The following CFAP77 variants were observed in gnomAD, a reference collection of about 807,000 sequenced individuals.
CFAP77 encodes cilia and flagella associated protein 77.
A neutral mutation model predicts 31.1 loss-of-function variants in CFAP77; 25 were observed. The ratio of observed to expected loss-of-function variants is 0.80; its 90% confidence interval spans 0.59 to 1.12. The LOEUF (loss-of-function observed/expected upper bound fraction) is 1.12, where lower values mean the gene tolerates loss of function less well. Among genes scored for constraint, CFAP77 ranks in the 50% most tolerant of loss-of-function variants. The probability of loss-of-function intolerance (pLI) is 0.00; values close to 1 mark genes in which losing one functional copy is unlikely to be tolerated. For synonymous variants in CFAP77, 151 were observed against 159.9 expected, an observed-to-expected ratio of 0.94 and a Z score of 0.42; for missense variants, 377 against 397.3, an observed-to-expected ratio of 0.95 and a Z score of 0.44.
intron 1 of CFAP77, among the ~76,000 whole-genome samples, chr9:132,411,202 G>C (rs554889051): frequency 7.2e-4 from 109 of 152,074 alleles, no homozygotes; most frequent in African/African-American, 2.5e-3. Context: ...GCTGAGGCTT[G>C]GGGGTCAGGG....
intron 3 of CFAP77, among the ~76,000 whole-genome samples, chr9:132,530,438 G>A (rs1167884547): frequency 6.6e-6 from 1 of 151,964 alleles, no homozygotes; most frequent in African/African-American, 2.4e-5. Context: ...ACCATGCCCA[G>A]CTAATTTTGT....
rs1554747343 is a variant in CFAP77 at position 132,521,778 on chromosome 9, T to TTTTTTG, written c.525-15818_525-15817insGTTTTT. On this transcript the variant is annotated intron_variant, in intron 3 of 5. Transcript: ENST00000393216. The stretch of plus-strand genomic sequence containing the variant: ...ATAGACTTGCTTTTTTTTTTTTTTT[T>TTTTTTG]TTTTTTGAGATGAAGTCTCACTCTG... Among the ~76,000 whole-genome samples, 5 of 106,116 alleles carry TTTTTTG rather than the reference T, an allele frequency of 4.7e-5. 1 individual carries two copies. The highest frequency in any genetic ancestry group is 1.2e-4 in the African/African-American group (3 of 26,002). 69.6% of individuals were successfully genotyped at this position (106,116 alleles called of 152,430 possible). A position where few individuals can be genotyped will look rare whatever the true frequency, so the allele number is the denominator to read the frequency against.
intron 1 of CFAP77, among the ~76,000 whole-genome samples, chr9:132,431,604 C>T (rs376341057): frequency 2.6e-5 from 4 of 151,918 alleles, no homozygotes; most frequent in South Asian, 2.1e-4. Flanking sequence ...TTAATGAGCC[C>T]GACAGCAGAA....
chr9:132,570,017 G>A (rs1382517139), intron 5 of CFAP77, among the ~76,000 whole-genome samples: 8 of 152,130 alleles, frequency 5.3e-5, no homozygotes, highest in Non-Finnish European at 1.2e-4. Flanking sequence ...ACAAGTGTGA[G>A]CCACTGCTCC....
chr9:132,416,625 G>A (rs1850105695), intron 1 of CFAP77, among the ~76,000 whole-genome samples: 1 of 147,596 alleles, frequency 6.8e-6, no homozygotes, highest in African/African-American at 2.5e-5. Context: ...TTACAGGCGT[G>A]AACCACCACA....
Position 132,543,017 on chromosome 9 carries a change from C to T in CFAP77, c.702C>T (p.Asp234=), listed in dbSNP as rs776847264. The change falls in exon 5 of 6, where the codon GAC becomes GAT. Residue 234 remains aspartate, a synonymous_variant. Coordinates refer to ENST00000393216, the MANE Select transcript of CFAP77 (RefSeq NM_001282957.2). ...AGTACAAGCCGCCCGTGAAGCTGGA[C>T]ACCCTCTGGCACATGCCTCACTTCC... ...LRKYKPPVKL[D]TLWHMPHFQK... 3 of 1,614,174 alleles carry T rather than the reference C, an allele frequency of 1.9e-6. No homozygotes were observed. In the South Asian group the frequency reaches 3.3e-5, roughly 18 times the overall value.
In CFAP77 at chr9:132,552,331, A is replaced by G. The variant is rs1164411120; in HGVS notation, c.732+9284A>G. Among the ~76,000 whole-genome samples the G allele has an allele frequency of 6.6e-6, 1 of 152,236 alleles. No homozygotes were observed. The highest frequency in any genetic ancestry group is 1.9e-4 in the East Asian group (1 of 5,202). ...CCTCTGGGAGGGACGAGGCCCTGGAAGCTGCTCCTTTAGATGAGTTATTCG... is the reference window on the plus strand; with the variant it reads ...CCTCTGGGAGGGACGAGGCCCTGGAGGCTGCTCCTTTAGATGAGTTATTCG... On this transcript the variant is annotated intron_variant, in intron 5 of 5. Transcript: ENST00000393216. This position sits in a 1 kb window ranked among gnomAD's most constrained non-coding sequence, Gnocchi z 5.5.
chr9:132,550,417 A>G (rs1258813782), intron 5 of CFAP77, among the ~76,000 whole-genome samples: 3 of 151,840 alleles, frequency 2.0e-5, no homozygotes, highest in African/African-American at 7.3e-5. Flanking sequence ...TCCGACTTCT[A>G]GCTCATCTCC....
intron 1 of CFAP77, among the ~76,000 whole-genome samples, chr9:132,460,582 C>G (rs1001326078): frequency 6.6e-6 from 1 of 152,048 alleles, no homozygotes; most frequent in Admixed American, 6.6e-5. Context: ...GAAAATGGAT[C>G]AAATAGACCA....
intron 5 of CFAP77, among the ~76,000 whole-genome samples, chr9:132,555,210 C>T (rs950371099): frequency 3.3e-5 from 5 of 152,126 alleles, no homozygotes; most frequent in Admixed American, 2.0e-4. Flanking sequence ...TCAGGCTTAG[C>T]CTCGTCAACC....
chr9:132,557,561 T>C (rs1852923824), intron 5 of CFAP77, among the ~76,000 whole-genome samples: 1 of 152,178 alleles, frequency 6.6e-6, no homozygotes, highest in Non-Finnish European at 1.5e-5. Context: ...TAAGGCAGTT[T>C]CCCAAAAGCT....
intron 1 of CFAP77, among the ~76,000 whole-genome samples, chr9:132,496,893 A>G (rs890776659): frequency 2.0e-5 from 3 of 152,198 alleles, no homozygotes; most frequent in South Asian, 2.1e-4. Flanking sequence ...GGGGGTCTGC[A>G]TGTGCATTCA....
intron 3 of CFAP77, among the ~76,000 whole-genome samples, chr9:132,500,127 G>A (rs149044228): frequency 0.077 from 11,590 of 150,808 alleles, 483 homozygotes; most frequent in Middle Eastern, 0.11. Context: ...ACTCCAGCCT[G>A]GGCAACAGAG....
intron 1 of CFAP77, among the ~76,000 whole-genome samples, chr9:132,465,057 G>A (rs1389918989): frequency 7.6e-6 from 1 of 132,140 alleles, no homozygotes; most frequent in African/African-American, 2.9e-5. Flanking sequence ...CTGGGCGACA[G>A]AGCGAGACTC....
At chr9:132,556,220 G>A (rs1203664545) in intron 5 of CFAP77, among the ~76,000 whole-genome samples, 1 of 152,124 alleles carries the variant, frequency 6.6e-6, no homozygotes, top group Non-Finnish European at 1.5e-5. Flanking sequence ...GGCCTCCGTC[G>A]ACACAGTCCC....
intron 1 of CFAP77, among the ~76,000 whole-genome samples, chr9:132,492,398 G>A (rs1053296841): frequency 6.6e-6 from 1 of 152,110 alleles, no homozygotes; most frequent in Non-Finnish European, 1.5e-5. Context: ...GTTGTGTGGG[G>A]CGGAGAAGGC....
intron 5 of CFAP77, among the ~76,000 whole-genome samples, chr9:132,571,986 G>A (rs1829964830): frequency 6.6e-6 from 1 of 151,798 alleles, no homozygotes. Flanking sequence ...GGAGGGAAGT[G>A]ATCTAATTCC....
At chr9:132,473,621 G>A (rs577306870) in intron 1 of CFAP77, among the ~76,000 whole-genome samples, 2 of 152,232 alleles carry the variant, frequency 1.3e-5, no homozygotes, top group South Asian at 4.1e-4. Context: ...TGTGTCCCTG[G>A]AGCCTTCCCC....
intron 3 of CFAP77, among the ~76,000 whole-genome samples, chr9:132,515,182 G>A (rs1231714969): frequency 2.0e-5 from 3 of 152,228 alleles, no homozygotes; most frequent in South Asian, 2.1e-4. Context: ...ATGTCTGGGG[G>A]TGGAAGGTGA....
Sources: gnomAD v4.1 joint callset for allele counts (sites outside exome capture counted in the v4.1 genomes callset) on GRCh38, gnomAD v4.1.1 for gene constraint, Gnocchi (gnomAD v3.1) non-coding constraint, MANE v1.5 for transcripts, NCBI Gene and HGNC (gene_info 2026-07-23, HGNC 2026-07-21) for gene names.